The following UGT1A5 variants were observed in gnomAD, a reference collection of about 807,000 sequenced individuals.
The protein encoded by UGT1A5 is UDP-glucuronosyltransferase 1A5.
UGT1A5 carries 29 observed loss-of-function variants against 40.3 expected under a neutral mutation model. That is an observed-to-expected ratio of 0.72 (90% CI 0.54 to 0.98). The LOEUF (loss-of-function observed/expected upper bound fraction) is 0.98. Ranked by LOEUF, UGT1A5 falls within the 50% of genes least tolerant of loss-of-function variation. UGT1A5 has a pLI of 0.00. For synonymous variants in UGT1A5, 257 were observed against 262.5 expected (o/e 0.98, Z 0.20); for missense variants, 678 against 677.9 (o/e 1.00, Z 0.00).
intron 1 of UGT1A5, chr2:233,730,090 C>G: frequency 6.3e-7 from 1 of 1,596,074 alleles, no homozygotes; most frequent in Admixed American, 1.7e-5. Flanking sequence ...ACTTATCTTT[C>G]CAAATATTTC....
chr2:233,723,522 T>TC (rs2077093722), intron 1 of UGT1A5, among the ~76,000 whole-genome samples: 1 of 114,298 alleles, frequency 8.7e-6, no homozygotes. Flanking sequence ...CAATCTTTTT[T>TC]TTTTTTTTTT....
chr2:233,729,923 C>G (rs760546149), intron 1 of UGT1A5: 1 of 1,614,016 alleles, frequency 6.2e-7, no homozygotes, highest in Non-Finnish European at 8.5e-7. Flanking sequence ...ATGGACTACC[C>G]CAGGCCAATC....
chr2:233,729,188 G>A, intron 1 of UGT1A5: 4 of 1,613,988 alleles, frequency 2.5e-6, no homozygotes, highest in Non-Finnish European at 3.4e-6. Context: ...CTTCTCCTCA[G>A]TGTCCAGCCC....
At chr2:233,736,071 G>A (rs1216077159) in intron 1 of UGT1A5, among the ~76,000 whole-genome samples, 1 of 152,146 alleles carries the variant, frequency 6.6e-6, no homozygotes, top group Non-Finnish European at 1.5e-5. Flanking sequence ...TGCTAGGTTT[G>A]GGAAGTTCTC....
intron 1 of UGT1A5, among the ~76,000 whole-genome samples, chr2:233,745,926 AAGGG>A (rs1399819653): frequency 2.0e-5 from 3 of 151,524 alleles, no homozygotes; most frequent in East Asian, 3.9e-4. Context: ...AGTGATTCAG[AAGGG>A]ACAGCTGGGG....
chr2:233,743,851 C>T (rs375874968), intron 1 of UGT1A5: 40 of 1,367,126 alleles, frequency 2.9e-5, no homozygotes, highest in African/African-American at 2.2e-4. Flanking sequence ...GCTTGCGGTA[C>T]GCCTTCTTGA....
In UGT1A5 at chr2:233,761,002, CAG is replaced by C. The variant is rs797046091; in HGVS notation, c.868-6025_868-6024del. On this transcript the variant is annotated intron_variant, in intron 1 of 4. Coordinates refer to ENST00000373414, the MANE Select transcript of UGT1A5 (RefSeq NM_019078.2). The stretch of plus-strand genomic sequence containing the variant: ...TGCAACCCTTGCCTCAGAATTCCTT[CAG>C]AGAGAGGTGACTGTCCAGGACCTAT... The C allele has an allele frequency of 1.5e-5, 25 of 1,614,060 alleles. No individual in the cohort carries two copies. Among genetic ancestry groups the C allele is most frequent in the Non-Finnish European group, 2.0e-5 (24 of 1,180,054 alleles).
At chr2:233,755,084 G>C in intron 1 of UGT1A5, 2 of 1,335,302 alleles carry the variant, frequency 1.5e-6, no homozygotes, top group Non-Finnish European at 2.0e-6. Flanking sequence ...CATAGATATC[G>C]CGTTTCTACG....
intron 1 of UGT1A5, among the ~76,000 whole-genome samples, chr2:233,739,930 G>GGGGA (rs1270425861): frequency 6.6e-6 from 1 of 151,694 alleles, no homozygotes; most frequent in Non-Finnish European, 1.5e-5. Context: ...ATCCCCATGT[G>GGGGA]TTAAGGTTGG....
intron 1 of UGT1A5, chr2:233,740,677 T>C (rs536808969): frequency 2.0e-5 from 3 of 151,924 alleles, no homozygotes; most frequent in South Asian, 4.1e-4. Context: ...GGTGTTTCCA[T>C]GGAGGGTGTT....
At position 233,743,458 on chromosome 2, in the gene UGT1A5, A is replaced by C. The variant is rs61736688; in HGVS notation, c.868-23576A>C. On this transcript the variant is annotated intron_variant, in intron 1 of 4. Transcript: ENST00000373414. ...AAATCCTGTATCAAAAGAAGAAAAA[A>C]CACCCCCAAAAGCTGGAAATTCACT... 785 of 1,366,068 alleles carry C rather than the reference A, an allele frequency of 5.7e-4. 6 individuals are homozygous for C. In the Admixed American group the frequency reaches 0.012, roughly 22 times the overall value. 84.6% of individuals were successfully genotyped at this position (1,366,068 alleles called of 1,614,324 possible).
intron 1 of UGT1A5, chr2:233,747,635 G>C: frequency 7.6e-6 from 12 of 1,581,768 alleles, no homozygotes; most frequent in Non-Finnish European, 1.0e-5. Context: ...TCAGGCACCT[G>C]AATGCTACTT....
chr2:233,728,968 T>C (rs1359858521), intron 1 of UGT1A5: 14 of 1,468,408 alleles, frequency 9.5e-6, no homozygotes, highest in Non-Finnish European at 1.3e-5. Context: ...AAAACAGTGA[T>C]AGATTAATGG....
chr2:233,760,323 C>G (rs760176104), intron 1 of UGT1A5: 27 of 1,613,844 alleles, frequency 1.7e-5, no homozygotes, highest in Non-Finnish European at 2.3e-5. Flanking sequence ...GCCCACTTGT[C>G]CTGGGCCTGC....
chr2:233,744,001 A>T, intron 1 of UGT1A5: 1 of 1,207,940 alleles, frequency 8.3e-7, no homozygotes, highest in Non-Finnish European at 1.1e-6. Context: ...GAGTGCTCGG[A>T]GACCTGGGCC....
At chr2:233,749,947 C>T (rs1454449200) in intron 1 of UGT1A5, among the ~76,000 whole-genome samples, 4 of 151,812 alleles carry the variant, frequency 2.6e-5, no homozygotes, top group East Asian at 1.9e-4. Context: ...TATGAATTAC[C>T]GAGTCTTGGG....
In UGT1A5 at chr2:233,713,590, C is replaced by T; in HGVS notation, c.599C>T (p.Thr200Ile). ...TCCTATATTCCTAGATTACTAACGACCAATTCAGACCACATGACATTCCTG... is the reference window on the plus strand; with the variant it reads ...TCCTATATTCCTAGATTACTAACGATCAATTCAGACCACATGACATTCCTG... The part of the protein sequence containing the change: ...PSSYIPRLLT[T>I]NSDHMTFLQR... The change falls in exon 1 of 5, where the codon ACC (threonine) becomes ATC (isoleucine). Residue 200 changes from threonine to isoleucine, a missense_variant. By Grantham distance (89) the Thr-to-Ile change is moderately conservative. Transcript: ENST00000373414. 1 of 1,613,980 alleles carries T rather than the reference C, an allele frequency of 6.2e-7. No homozygotes were observed. Among genetic ancestry groups the T allele is most frequent in the Non-Finnish European group, 8.5e-7 (1 of 1,179,872 alleles).
chr2:233,741,124 A>T (rs1048949215), intron 1 of UGT1A5, among the ~76,000 whole-genome samples: 1 of 151,714 alleles, frequency 6.6e-6, no homozygotes, highest in Non-Finnish European at 1.5e-5. Context: ...ACTTCTATAA[A>T]AGCAACACTT....
chr2:233,718,017 C>T (rs2076622656), intron 1 of UGT1A5: 3 of 393,308 alleles, frequency 7.6e-6, no homozygotes, highest in South Asian at 1.9e-5. Flanking sequence ...CAGGCTCCAG[C>T]TCCCCAGGTC....
Sources: allele counts gnomAD v4.1 joint callset (sites outside exome capture counted in the v4.1 genomes callset), GRCh38; gene constraint gnomAD v4.1.1; transcripts MANE v1.5; gene names NCBI Gene and HGNC (gene_info 2026-07-23, HGNC 2026-07-21).